The following ADRA1B variants were observed in gnomAD, a reference collection of about 807,000 sequenced individuals.
The protein encoded by ADRA1B is alpha-1B adrenergic receptor.
ADRA1B carries 17 observed loss-of-function variants against 17.9 expected under a neutral mutation model. The observed-to-expected ratio is 0.95, with a 90% confidence interval of 0.65 to 1.42. ADRA1B has a LOEUF of 1.42. Among genes scored for constraint, ADRA1B ranks in the 40% most tolerant of loss-of-function variants. The pLI, the probability that ADRA1B is intolerant of heterozygous loss-of-function variation, is 0.00. For synonymous variants in ADRA1B, 366 were observed against 327.6 expected (o/e 1.12, Z -1.27); for missense variants, 681 against 722.1 (o/e 0.94, Z 0.65).
Position 159,916,928 on chromosome 5 carries a change from G to C in ADRA1B, c.23G>C (p.Gly8Ala). 6.2e-7 allele frequency: 1 copy of C among 1,613,232 alleles called. No individual in the cohort carries two copies. Among genetic ancestry groups the C allele is most frequent in the Non-Finnish European group, 8.5e-7 (1 of 1,179,520 alleles). Reference protein sequence around the residue: MNPDLDTGHNTSAPAHWG... With the variant: MNPDLDTAHNTSAPAHWG... ...AAGATGAATCCCGACCTGGACACCG[G>C]CCACAACACATCAGCACCTGCCCAC... The change falls in exon 1 of 2, where the codon GGC becomes GCC. Residue 8 changes from glycine (G) to alanine (A), a missense_variant. Coordinates refer to ENST00000306675, the MANE Select transcript of ADRA1B (RefSeq NM_000679.4).
At chr5:159,895,592 C>G (rs906453748) in intron 1 of ADRA1B, among the ~76,000 whole-genome samples, 2 of 152,174 alleles carry the variant, frequency 1.3e-5, no homozygotes, top group African/African-American at 2.4e-5. Flanking sequence ...TTCTGTGCAG[C>G]AAACCACTAT....
In ADRA1B at chr5:159,877,388, C is replaced by T. The variant is rs1173213367; in HGVS notation, c.-256+12182C>T. 2.6e-5 allele frequency among the ~76,000 whole-genome samples: 4 copies of T among 152,162 alleles called. No individual in the cohort carries two copies. The East Asian group carries it at 7.7e-4, about 29-fold the overall frequency. ...GCCGGGAGCCAGCTCTGGAGAAGTC[C>T]TTCATGCCCTCTGGTTGCCGTGCAC... On this transcript the variant is annotated intron_variant, in intron 1 of 2. Transcript: ENST00000641205.
At chr5:159,871,743 C>T (rs527325323) in intron 1 of ADRA1B, among the ~76,000 whole-genome samples, 325 of 152,264 alleles carry the variant, frequency 2.1e-3, no homozygotes, top group African/African-American at 6.9e-3. Context: ...TGGAGATCTG[C>T]TATTCAACCC....
Position 159,916,995 on chromosome 5 carries a change from G to C in ADRA1B, c.90G>C (p.Gln30His), listed in dbSNP as rs1349219677. The C allele has an allele frequency of 1.9e-6, 3 of 1,614,128 alleles. No individual in the cohort carries two copies. In the South Asian group the frequency reaches 3.3e-5, roughly 18 times the overall value. The stretch of plus-strand genomic sequence containing the variant: ...ATGCCAACTTCACTGGCCCCAACCA[G>C]ACCTCGAGCAACTCCACACTGCCCC... ...LKNANFTGPN[Q>H]TSSNSTLPQL... The change falls in exon 1 of 2, where the codon CAG (glutamine) becomes CAC (histidine). Residue 30 changes from glutamine to histidine, a missense_variant. Gln to His is a conservative substitution (Grantham distance 24). This residue lies in a region of ADRA1B where 424 missense variants were observed against 480.2 expected (regional missense o/e 0.88). Coordinates refer to ENST00000306675, the MANE Select transcript of ADRA1B (RefSeq NM_000679.4).
intron 1 of ADRA1B, among the ~76,000 whole-genome samples, chr5:159,887,385 G>A (rs1753937083): frequency 6.6e-6 from 1 of 152,208 alleles, no homozygotes; most frequent in South Asian, 2.1e-4. Flanking sequence ...GGACAACTAA[G>A]CTTCAGTGTT....
intron 1 of ADRA1B, among the ~76,000 whole-genome samples, chr5:159,897,635 GC>G (rs1378788613): frequency 6.6e-6 from 1 of 152,140 alleles, no homozygotes; most frequent in African/African-American, 2.4e-5. Flanking sequence ...AAGATTAGGC[GC>G]AACTACTAAC....
intron 1 of ADRA1B, among the ~76,000 whole-genome samples, chr5:159,887,756 C>T (rs537085009): frequency 1.3e-5 from 2 of 152,220 alleles, no homozygotes; most frequent in East Asian, 3.9e-4. Context: ...CAAAAACATC[C>T]CACATCCCAT....
chr5:159,958,553 C>G (rs1031961484), intron 1 of ADRA1B, among the ~76,000 whole-genome samples: 4 of 152,082 alleles, frequency 2.6e-5, no homozygotes, highest in Non-Finnish European at 5.9e-5. Flanking sequence ...TTCCATTGAT[C>G]TGGATATTTT....
chr5:159,979,482 A>G, the ADRA1B span, among the ~76,000 whole-genome samples: 3 of 152,348 alleles, frequency 2.0e-5, 1 homozygote, highest in Admixed American at 2.0e-4. Context: ...TTGTAGGCAT[A>G]CCAATAAAGG....
chr5:159,899,263 AAAGG>A (rs199633101), intron 1 of ADRA1B, among the ~76,000 whole-genome samples: 6,812 of 105,836 alleles, frequency 0.064, 362 homozygotes, highest in East Asian at 0.1. Flanking sequence ...AGGAAGGAAG[AAAGG>A]AAGGAAGGAA....
intron 1 of ADRA1B, among the ~76,000 whole-genome samples, chr5:159,904,290 T>C (rs1754134865): frequency 6.6e-6 from 1 of 152,136 alleles, no homozygotes. Context: ...ACCTGGGAAA[T>C]GAGGAAAGGG....
rs1754970307 is a variant in ADRA1B, at chr5:159,936,903, T to C, written c.949+19049T>C. 2.0e-5 allele frequency among the ~76,000 whole-genome samples: 3 copies of C among 152,138 alleles called. 1 individual carries two copies. In the South Asian group the frequency reaches 6.2e-4, roughly 32 times the overall value. On this transcript the variant is annotated intron_variant, in intron 1 of 1. Coordinates refer to ENST00000306675, the MANE Select transcript of ADRA1B (RefSeq NM_000679.4). ...CTCTGTCCTGGAGCTGCTGACTGTG[T>C]TGTCAGAGAGCATCCACTGTGAGTG...
At chr5:159,909,519 G>A (rs910569843) in intron 1 of ADRA1B, among the ~76,000 whole-genome samples, 2 of 152,240 alleles carry the variant, frequency 1.3e-5, no homozygotes, top group Non-Finnish European at 2.9e-5. Context: ...AAAAAAGGAA[G>A]AAGAGAAAGG....
rs1484544526 is a variant in ADRA1B at position 159,966,662 on chromosome 5, T to C, written c.950-5217T>C. Reference sequence around the variant, plus strand: ...CAGAGGTGGGGAGTTGTAGGGAAAATGTCAGATTCAGGCACAGTTGATAGG... The same window carrying C: ...CAGAGGTGGGGAGTTGTAGGGAAAACGTCAGATTCAGGCACAGTTGATAGG... On this transcript the variant is annotated intron_variant, in intron 1 of 1. Coordinates refer to ENST00000306675, the MANE Select transcript of ADRA1B (RefSeq NM_000679.4). 2.0e-5 allele frequency among the ~76,000 whole-genome samples: 3 copies of C among 152,082 alleles called. No individual in the cohort carries two copies. The East Asian group carries it at 5.8e-4, about 29-fold the overall frequency.
intron 1 of ADRA1B, chr5:159,948,314 G>C: frequency 1.0e-6 from 1 of 985,380 alleles, no homozygotes; most frequent in Non-Finnish European, 1.2e-6. Flanking sequence ...AGCACTTTAT[G>C]CTCACCCTTT....
intron 1 of ADRA1B, among the ~76,000 whole-genome samples, chr5:159,904,964 T>A (rs1319810930): frequency 6.6e-6 from 1 of 152,212 alleles, no homozygotes; most frequent in African/African-American, 2.4e-5. Flanking sequence ...ACAGCTTTAG[T>A]TAAGAAAGTG....
At chr5:159,931,393 C>CA (rs144950450) in intron 1 of ADRA1B, among the ~76,000 whole-genome samples, 33,002 of 132,000 alleles carry the variant, frequency 0.25, 3,928 homozygotes, top group East Asian at 0.41. Flanking sequence ...GACCCTATCT[C>CA]AAAAAAAAAA....
chr5:159,909,095 A>C (rs1754197170), intron 1 of ADRA1B, among the ~76,000 whole-genome samples: 1 of 152,198 alleles, frequency 6.6e-6, no homozygotes, highest in South Asian at 2.1e-4. Context: ...AGTAAACAGC[A>C]GAGACACACT....
intron 1 of ADRA1B, among the ~76,000 whole-genome samples, chr5:159,969,055 C>T (rs1353226206): frequency 1.3e-5 from 2 of 152,218 alleles, no homozygotes; most frequent in African/African-American, 2.4e-5. Flanking sequence ...TGTACAGAGT[C>T]TTAATCCAAA....
Sources: gnomAD v4.1 joint callset for allele counts (sites outside exome capture counted in the v4.1 genomes callset) on GRCh38, gnomAD v4.1.1 for gene constraint, gnomAD v4.1.1 regional missense constraint, MANE v1.5 for transcripts, NCBI Gene and HGNC (gene_info 2026-07-23, HGNC 2026-07-21) for gene names.